The following CACNB2 variants were observed in gnomAD, a reference collection of about 807,000 sequenced individuals.
CACNB2 encodes voltage-dependent L-type calcium channel subunit beta-2.
In CACNB2, 42 loss-of-function variants were observed where a neutral mutation model predicts 73.3. That is an observed-to-expected ratio of 0.57 (90% CI 0.45 to 0.74). CACNB2 has a LOEUF of 0.74. CACNB2 is among the 30% of genes least tolerant of loss of function. CACNB2 has a pLI of 0.00. For missense variants in CACNB2, 940 were observed against 853.0 expected, an observed-to-expected ratio of 1.10 and a Z score of -1.27; for synonymous variants, 348 against 310.3, an observed-to-expected ratio of 1.12 and a Z score of -1.28.
intron 2 of CACNB2, among the ~76,000 whole-genome samples, chr10:18,377,147 A>G (rs2042832618): frequency 1.3e-5 from 2 of 152,358 alleles, no homozygotes; most frequent in Non-Finnish European, 2.9e-5. Flanking sequence ...AAAGAAAACC[A>G]AAAACCACCC....
intron 2 of CACNB2, among the ~76,000 whole-genome samples, chr10:18,228,442 A>AAAAAAAAAG: frequency 7.4e-6 from 1 of 135,526 alleles, no homozygotes; most frequent in African/African-American, 2.9e-5. Flanking sequence ...TCAAAAAAAA[A>AAAAAAAAAG]AAAAAAAGAA....
chr10:18,143,050 C>G (rs1027248869), intron 1 of CACNB2, among the ~76,000 whole-genome samples: 1 of 152,160 alleles, frequency 6.6e-6, no homozygotes, highest in Non-Finnish European at 1.5e-5. Context: ...AGAAGTCTTA[C>G]AGGATAATTT....
At chr10:18,225,454 T>G (rs1539681) in intron 2 of CACNB2, among the ~76,000 whole-genome samples, 3 of 152,000 alleles carry the variant, frequency 2.0e-5, no homozygotes, top group African/African-American at 7.3e-5. Flanking sequence ...GGTCCAGGAC[T>G]GAACCAGGAT....
At chr10:18,215,166 C>T (rs758647997) in intron 2 of CACNB2, among the ~76,000 whole-genome samples, 5 of 151,788 alleles carry the variant, frequency 3.3e-5, no homozygotes, top group Non-Finnish European at 7.4e-5. Flanking sequence ...CTAGCGTTCC[C>T]TCCCAAGATA....
rs1256237125 is a variant in CACNB2, at chr10:18,542,751, T to C, written c.*3027T>C. ...AATGAGGAAATAATCTCAAGGGCAA[T>C]GGGATATTTACTGACCTGCGGAATG... is the stretch of plus-strand genomic sequence containing the variant. On this transcript the variant is annotated 3_prime_UTR_variant, in exon 14 of 14. Transcript: ENST00000324631. The C allele has an allele frequency of 6.6e-6, 1 of 152,108 alleles. No homozygotes were observed. The highest frequency in any genetic ancestry group is 2.1e-4 in the South Asian group (1 of 4,826). The allele number at this position is 152,108 out of a possible 1,614,324, so 9.4% of individuals were successfully genotyped here.
intron 5 of CACNB2, 86 bp downstream of exon 5, chr10:18,501,034 A>G: frequency 2.4e-6 from 3 of 1,267,230 alleles, no homozygotes; most frequent in Non-Finnish European, 3.4e-6. Flanking sequence ...TGTATCCTTT[A>G]TTATGTATTA....
chr10:18,141,511 A>G (rs1283572141), intron 1 of CACNB2, among the ~76,000 whole-genome samples: 3 of 152,024 alleles, frequency 2.0e-5, no homozygotes, highest in Admixed American at 1.3e-4. Context: ...GAAAGTTTTT[A>G]TTTTTCCGTC....
intron 2 of CACNB2, among the ~76,000 whole-genome samples, chr10:18,276,328 A>G (rs998890641): frequency 3.9e-5 from 6 of 152,130 alleles, no homozygotes; most frequent in Admixed American, 2.0e-4. Flanking sequence ...AAGCTGCCCA[A>G]CTCACAGTCA....
At chr10:18,261,204 G>A in intron 2 of CACNB2, 1 of 1,549,838 alleles carries the variant, frequency 6.5e-7, no homozygotes, top group Admixed American at 2.0e-5. Context: ...CCGAGGCTGT[G>A]ACGAGAAGAC....
chr10:18,437,122 T>C (rs1396660151), intron 3 of CACNB2, among the ~76,000 whole-genome samples: 3 of 152,240 alleles, frequency 2.0e-5, no homozygotes, highest in African/African-American at 7.2e-5. Context: ...CTTGTAAATA[T>C]TGGATGCTAT....
chr10:18,414,675 G>C (rs1177811653), intron 3 of CACNB2, among the ~76,000 whole-genome samples: 1 of 152,040 alleles, frequency 6.6e-6, no homozygotes, highest in African/African-American at 2.4e-5. Context: ...AGCAAAAATG[G>C]GGTTTCACCA....
chr10:18,145,291 T>G (rs948167757), intron 1 of CACNB2, among the ~76,000 whole-genome samples: 2 of 152,232 alleles, frequency 1.3e-5, no homozygotes, highest in African/African-American at 4.8e-5. Context: ...TCCTGAAATA[T>G]TCTTAGGTCC....
intron 2 of CACNB2, among the ~76,000 whole-genome samples, chr10:18,160,359 G>T (rs926488343): frequency 6.6e-6 from 1 of 152,006 alleles, no homozygotes; most frequent in East Asian, 1.9e-4. Flanking sequence ...TTAAAACCAA[G>T]AATTCTTTCT....
At chr10:18,183,202 GA>G (rs1336565500) in intron 2 of CACNB2, among the ~76,000 whole-genome samples, 1 of 152,128 alleles carries the variant, frequency 6.6e-6, no homozygotes, top group East Asian at 1.9e-4. Flanking sequence ...TATTATATGT[GA>G]AGTGCTTAGG....
At chr10:18,394,262 C>T (rs1411240683) in intron 2 of CACNB2, among the ~76,000 whole-genome samples, 1 of 152,010 alleles carries the variant, frequency 6.6e-6, no homozygotes, top group Non-Finnish European at 1.5e-5. Flanking sequence ...GGCCCAAATT[C>T]GAAAATTTAT....
At chr10:18,503,556 C>A (rs536541241) in intron 5 of CACNB2, among the ~76,000 whole-genome samples, 4 of 152,116 alleles carry the variant, frequency 2.6e-5, no homozygotes, top group Non-Finnish European at 4.4e-5. Context: ...AGATCATGTT[C>A]CAACTTGGGC....
chr10:18,275,889 G>T (rs747699329), intron 2 of CACNB2, among the ~76,000 whole-genome samples: 12 of 152,148 alleles, frequency 7.9e-5, no homozygotes, highest in Non-Finnish European at 1.2e-4. Context: ...ACTATCAGTT[G>T]TTATTAGTAA....
intron 2 of CACNB2, among the ~76,000 whole-genome samples, chr10:18,329,737 G>A (rs1037927294): frequency 1.1e-4 from 17 of 151,884 alleles, no homozygotes; most frequent in Admixed American, 7.2e-4. Flanking sequence ...GTATGTCCTC[G>A]TTTTATAGTA....
intron 12 of CACNB2, 47 bp downstream of exon 12, chr10:18,536,243 C>CTTTTCTTTTTTTTTTTTTTT (rs1327787339): frequency 9.2e-5 from 26 of 283,190 alleles, no homozygotes; most frequent in African/African-American, 3.2e-4. Context: ...GAGATCAGAC[C>CTTTTCTTTTTTTTTTTTTTT]TTTTTTTTTT....
Sources: gnomAD v4.1 joint callset for allele counts (sites outside exome capture counted in the v4.1 genomes callset) on GRCh38, gnomAD v4.1.1 for gene constraint, MANE v1.5 for transcripts, NCBI Gene and HGNC (gene_info 2026-07-23, HGNC 2026-07-21) for gene names.